Variants in ALG9 observed in about 807,000 individuals in gnomAD.
The protein encoded by ALG9 is ALG9 alpha-1,2-mannosyltransferase.
A neutral mutation model predicts 81.8 loss-of-function variants in ALG9; 55 were observed. That is an observed-to-expected ratio of 0.67 (90% confidence interval 0.54 to 0.84). ALG9 has a LOEUF of 0.84. ALG9 is among the 40% of genes least tolerant of loss of function. The probability of loss-of-function intolerance (pLI) is 0.00; values close to 1 mark genes in which losing one functional copy is unlikely to be tolerated. For missense variants in ALG9, 629 were observed against 745.0 expected (o/e 0.84, Z 1.81); for synonymous variants, 278 against 274.3 (o/e 1.01, Z -0.13).
chr11:111,837,442 AC>A (rs778792608), intron 12 of ALG9, 25 bp downstream of exon 12: 49 of 1,613,204 alleles, frequency 3.0e-5, no homozygotes, highest in African/African-American at 4.0e-5. Context: ...TTCATTTAAA[AC>A]CCTAGGAATT....
At chr11:111,870,439 A>G in intron 1 of ALG9, 69 bp from the exon 2 acceptor site, 4 of 1,484,178 alleles carry the variant, frequency 2.7e-6, no homozygotes, top group Non-Finnish European at 3.6e-6. Context: ...CAGAAGACCT[A>G]AATCTAGATA....
rs192151948 is a variant in ALG9, at chr11:111,863,611, T to C, written c.476+1570A>G. Among the ~76,000 whole-genome samples, 83 of 152,334 alleles carry C rather than the reference T, an allele frequency of 5.4e-4. 1 individual carries two copies. The highest frequency in any genetic ancestry group is 1.0e-3 in the South Asian group (5 of 4,828). On this transcript the variant is annotated intron_variant, in intron 4 of 14. Transcript: ENST00000616540. ...ATCACTAAGTCCAAATACCTTTAAA[T>C]ATATTACTAAAGCATTATTAAAACA...
intron 13 of ALG9, among the ~76,000 whole-genome samples, chr11:111,824,298 A>G (rs1196759364): frequency 5.8e-5 from 8 of 137,278 alleles, no homozygotes; most frequent in Non-Finnish European, 1.2e-4. Context: ...CTAAATTAGG[A>G]AACAAAAGAA....
At chr11:111,816,769 A>C (rs960821453) in intron 13 of ALG9, among the ~76,000 whole-genome samples, 4 of 152,150 alleles carry the variant, frequency 2.6e-5, no homozygotes, top group Non-Finnish European at 5.9e-5. Context: ...TAACTTTTCG[A>C]GGTCAGTCTT....
chr11:111,808,171 G>A (rs1460929418), intron 14 of ALG9, among the ~76,000 whole-genome samples: 3 of 152,150 alleles, frequency 2.0e-5, no homozygotes, highest in African/African-American at 7.2e-5. Context: ...AATGGCTTCA[G>A]GCTACAAAAA....
chr11:111,830,363 T>C (rs1428965573), intron 13 of ALG9, among the ~76,000 whole-genome samples: 2 of 152,234 alleles, frequency 1.3e-5, no homozygotes, highest in African/African-American at 4.8e-5. Flanking sequence ...TTGTCTCTCA[T>C]ATAGCCTTGC....
intron 9 of ALG9, among the ~76,000 whole-genome samples, chr11:111,842,043 T>C (rs1956291594): frequency 6.6e-6 from 1 of 152,070 alleles, no homozygotes; most frequent in Admixed American, 6.5e-5. Flanking sequence ...ATTACAGGCA[T>C]GCATCAACAC....
chr11:111,775,891 A>G, the ALG9 span, among the ~76,000 whole-genome samples: 9 of 152,298 alleles, frequency 5.9e-5, no homozygotes, highest in South Asian at 6.2e-4. Context: ...CAGGCGTCAG[A>G]CTGCTTGGGT....
chr11:111,839,601 A>AGGG (rs34197912), intron 10 of ALG9, among the ~76,000 whole-genome samples: 5 of 94,248 alleles, frequency 5.3e-5, no homozygotes, highest in African/African-American at 2.2e-4. Flanking sequence ...AAAAAAAAAA[A>AGGG]GGGGGGGGGG....
chr11:111,867,894 T>C (rs1555154861), intron 3 of ALG9, among the ~76,000 whole-genome samples: 2 of 152,040 alleles, frequency 1.3e-5, no homozygotes, highest in African/African-American at 4.8e-5. Context: ...GTCTCTACCT[T>C]GTTACCGCCA....
Position 111,871,546 on chromosome 11 carries a change from T to C in ALG9, c.-64A>G. Reference sequence around the variant, plus strand: ...GTCGGTGAGCGCGCAGACATAGCTTTGGCTGGCAAACGGTGTCCGCCGAGG... The same window carrying C: ...GTCGGTGAGCGCGCAGACATAGCTTCGGCTGGCAAACGGTGTCCGCCGAGG... On this transcript the variant is annotated 5_prime_UTR_variant, in exon 1 of 15. Transcript: ENST00000616540. 6.5e-7 allele frequency: 1 copy of C among 1,533,818 alleles called. No individual in the cohort carries two copies. Among genetic ancestry groups the C allele is most frequent in the East Asian group, 2.5e-5 (1 of 40,782 alleles).
chr11:111,803,129 T>A (rs188049151), intron 14 of ALG9, among the ~76,000 whole-genome samples: 1 of 152,360 alleles, frequency 6.6e-6, no homozygotes, highest in East Asian at 1.9e-4. Flanking sequence ...CAGCAAGTTA[T>A]TTTGTGGATG....
At chr11:111,815,007 C>T (rs1269444888) in intron 13 of ALG9, among the ~76,000 whole-genome samples, 1 of 152,126 alleles carries the variant, frequency 6.6e-6, no homozygotes, top group African/African-American at 2.4e-5. Flanking sequence ...TAATACTTGA[C>T]CTCAACGTGG....
intron 9 of ALG9, among the ~76,000 whole-genome samples, chr11:111,842,681 C>T (rs782481219): frequency 6.6e-6 from 1 of 152,002 alleles, no homozygotes; most frequent in Non-Finnish European, 1.5e-5. Flanking sequence ...ACCTCGTGCT[C>T]CCAAAATACT....
chr11:111,836,026 G>C (rs1955187195), intron 13 of ALG9, 139 bp downstream of exon 13: 4 of 1,101,026 alleles, frequency 3.6e-6, no homozygotes, highest in African/African-American at 1.5e-5. Flanking sequence ...TGGGATTACA[G>C]GTGTGAGCCA....
chr11:111,856,297 GA>G (rs1210989975), intron 6 of ALG9, among the ~76,000 whole-genome samples: 9 of 126,736 alleles, frequency 7.1e-5, no homozygotes, highest in South Asian at 2.5e-4. Context: ...AAAAAAAAAA[GA>G]AAAAAAAATT....
At chr11:111,788,782 C>T (rs1946886345) in intron 14 of ALG9, among the ~76,000 whole-genome samples, 1 of 151,862 alleles carries the variant, frequency 6.6e-6, no homozygotes, top group Admixed American at 6.6e-5. Context: ...TTTTCATCTA[C>T]ACTGCACAAA....
At chr11:111,870,673 T>C in intron 1 of ALG9, 1 of 923,972 alleles carries the variant, frequency 1.1e-6, no homozygotes, top group Non-Finnish European at 1.4e-6. Context: ...AATCACTCAA[T>C]CACTCCTTCC....
intron 13 of ALG9, among the ~76,000 whole-genome samples, chr11:111,816,616 A>G (rs945959863): frequency 1.3e-5 from 2 of 150,588 alleles, no homozygotes; most frequent in African/African-American, 4.9e-5. Flanking sequence ...GAGTGCAATG[A>G]TGTGATCATA....
Sources: gnomAD v4.1 joint callset for allele counts (sites outside exome capture counted in the v4.1 genomes callset) on GRCh38, gnomAD v4.1.1 for gene constraint, MANE v1.5 for transcripts, NCBI Gene and HGNC (gene_info 2026-07-23, HGNC 2026-07-21) for gene names.